Variants in TMEM127 observed in about 807,000 individuals in gnomAD.
The protein encoded by TMEM127 is transmembrane protein 127.
A neutral mutation model predicts 20.1 loss-of-function variants in TMEM127; 21 were observed. That is an observed-to-expected ratio of 1.04 (90% CI 0.74 to 1.50). TMEM127 has a LOEUF of 1.50. TMEM127 is among the 40% of genes most tolerant of loss of function. The pLI is 0.00. For synonymous variants in TMEM127, 150 were observed against 144.7 expected (o/e 1.04, Z -0.26); for missense variants, 303 against 317.4 (o/e 0.95, Z 0.34).
At position 96,265,267 on chromosome 2, in the gene TMEM127, G is replaced by C; in HGVS notation, c.115C>G (p.Leu39Val). 2 of 1,583,256 alleles carry C rather than the reference G, an allele frequency of 1.3e-6. No individual in the cohort carries two copies. The highest frequency in any genetic ancestry group is 2.3e-5 in the East Asian group (1 of 43,624). ...RSLASALPGA[L>V]SITALCTALA... ...GCAGTGCACAGCGCCGTGATAGACA[G>C]GGCGCCAGGCAGGGCCGAGGCCAGG... Residue 39 changes from leucine to valine, a missense_variant, in exon 2 of 4, where the codon CTG becomes GTG. Transcript: ENST00000258439.
In TMEM127 at chr2:96,248,610, A is replaced by G; in HGVS notation, c.*5198T>C. 9.0e-6 allele frequency: 2 copies of G among 222,194 alleles called. No individual in the cohort carries two copies. The highest frequency in any genetic ancestry group is 1.3e-4 in the East Asian group (2 of 15,262). 13.8% of individuals were successfully genotyped at this position (222,194 alleles called of 1,614,324 possible). ...TCCACCAATAGTGGTGGCACTAGAC[A>G]TATACTGAGAGACCCCCAAGAGGGA... On this transcript the variant is annotated 3_prime_UTR_variant, in exon 4 of 4. Coordinates refer to ENST00000258439, the MANE Select transcript of TMEM127 (RefSeq NM_017849.4).
Position 96,249,610 on chromosome 2 carries a change from A to C in TMEM127, c.*4198T>G, listed in dbSNP as rs938401523. On this transcript the variant is annotated 3_prime_UTR_variant, in exon 4 of 4. Coordinates refer to ENST00000258439, the MANE Select transcript of TMEM127 (RefSeq NM_017849.4). ...GTCTCTACCCACCCCCACAAAAAAAACATTTTCTCTTCTCCACAAACCTCC... is the reference window on the plus strand; with the variant it reads ...GTCTCTACCCACCCCCACAAAAAAACCATTTTCTCTTCTCCACAAACCTCC... 4.3e-6 allele frequency: 1 copy of C among 232,010 alleles called. No individual in the cohort carries two copies. The highest frequency in any genetic ancestry group is 8.5e-6 in the Non-Finnish European group (1 of 117,298). 14.4% of individuals were successfully genotyped at this position (232,010 alleles called of 1,614,324 possible).
rs773650718 is a variant in TMEM127, at chr2:96,254,915, G to A, written c.327C>T (p.Ser109=). Residue 109 remains serine (S), a synonymous_variant, in exon 3 of 4, where the codon TCC becomes TCT. Transcript: ENST00000258439. ...GCCCAAAGACATCCAGAAGGAAAGCGGAGAGACTACACAGGATGCCCAGGA... is the reference window on the plus strand; with the variant it reads ...GCCCAAAGACATCCAGAAGGAAAGCAGAGAGACTACACAGGATGCCCAGGA... ...FCFLGILCSL[S]AFLLDVFGPK... 10 of 1,614,098 alleles carry A rather than the reference G, an allele frequency of 6.2e-6. No homozygotes were observed. Among genetic ancestry groups the A allele is most frequent in the East Asian group, 4.5e-5 (2 of 44,876 alleles).
rs886056452 is a variant in TMEM127 at position 96,265,957 on chromosome 2, A to G, written c.-220T>C. ...GGGGGCCGAGCGTTCCCAGGCCCCAATCCCGCAACGCCCGGACAGACCCGG... is the reference window on the plus strand; with the variant it reads ...GGGGGCCGAGCGTTCCCAGGCCCCAGTCCCGCAACGCCCGGACAGACCCGG... On this transcript the variant is annotated 5_prime_UTR_variant, in exon 1 of 4. Coordinates refer to ENST00000258439, the MANE Select transcript of TMEM127 (RefSeq NM_017849.4). 11 of 176,436 alleles carry G rather than the reference A, an allele frequency of 6.2e-5. No homozygotes were observed. Among genetic ancestry groups the G allele is most frequent in the East Asian group, 2.8e-4 (2 of 7,088 alleles). 10.9% of individuals were successfully genotyped at this position (176,436 alleles called of 1,614,324 possible).
Position 96,255,024 on chromosome 2 carries a change from G to A in TMEM127, c.245-27C>T, listed in dbSNP as rs560553527. 76 of 1,613,728 alleles carry A rather than the reference G, an allele frequency of 4.7e-5. No homozygotes were observed. The Middle Eastern group carries it at 1.0e-3, about 21-fold the overall frequency. Reference sequence around the variant, plus strand: ...TGTAGAGGGAGAACCAAATTTTCACGGCCCCAAGTAACACTTGGTGCAGGA... The same window carrying A: ...TGTAGAGGGAGAACCAAATTTTCACAGCCCCAAGTAACACTTGGTGCAGGA... On this transcript the variant is annotated intron_variant, in intron 2 of 3. Transcript: ENST00000258439.
In TMEM127 at chr2:96,249,464, A is replaced by T. The variant is rs1684043563; in HGVS notation, c.*4344T>A. 4.5e-6 allele frequency: 1 copy of T among 224,618 alleles called. No individual in the cohort carries two copies. Among genetic ancestry groups the T allele is most frequent in the Non-Finnish European group, 8.9e-6 (1 of 112,718 alleles). The allele number at this position is 224,618 out of a possible 1,614,324, so 13.9% of individuals were successfully genotyped here. On this transcript the variant is annotated 3_prime_UTR_variant, in exon 4 of 4. Coordinates refer to ENST00000258439, the MANE Select transcript of TMEM127 (RefSeq NM_017849.4). ...CTTCGTTTCAGGTGGGCTCATTCAAAACGACATTTTCAGGCTTGGTGCAGT... is the reference window on the plus strand; with the variant it reads ...CTTCGTTTCAGGTGGGCTCATTCAATACGACATTTTCAGGCTTGGTGCAGT...
At chr2:96,256,480 A>G (rs1215173394) in intron 2 of TMEM127, among the ~76,000 whole-genome samples, 3 of 151,150 alleles carry the variant, frequency 2.0e-5, no homozygotes, top group South Asian at 2.1e-4. Flanking sequence ...CTGAGGCAGG[A>G]GAATTGCTTG....
rs1056462463 is a variant in TMEM127, at chr2:96,251,021, C to T, written c.*2787G>A. The T allele has an allele frequency of 3.6e-5, 8 of 223,310 alleles. No individual in the cohort carries two copies. The highest frequency in any genetic ancestry group is 1.4e-3 in the Middle Eastern group (1 of 732). The allele number at this position is 223,310 out of a possible 1,614,324, so 13.8% of individuals were successfully genotyped here. On this transcript the variant is annotated 3_prime_UTR_variant, in exon 4 of 4. Coordinates refer to ENST00000258439, the MANE Select transcript of TMEM127 (RefSeq NM_017849.4). The stretch of plus-strand genomic sequence containing the variant: ...CAGGATGGCTAGAGTTTAGGAGCCA[C>T]GTTCTCCTCTATAGCTCACCAGAGG...
chr2:96,260,806 T>C (rs1033932100), intron 2 of TMEM127, among the ~76,000 whole-genome samples: 2 of 152,168 alleles, frequency 1.3e-5, no homozygotes, highest in Non-Finnish European at 2.9e-5. Flanking sequence ...AATCCCTCTT[T>C]ATGCATCTGT....
chr2:96,260,165 G>T (rs1162308213), intron 2 of TMEM127, among the ~76,000 whole-genome samples: 2 of 152,242 alleles, frequency 1.3e-5, no homozygotes, highest in African/African-American at 4.8e-5. Context: ...CCAGGGGCCT[G>T]CCCCATGTAA....
chr2:96,265,122 C>G lies in TMEM127; in HGVS notation c.244+16G>C, dbSNP rs979743433. ...CCCCCACCGAGGCTTTAAGGGCCAG[C>G]GCGCAGCACCCTCACCTTTCAGCAG... is the stretch of plus-strand genomic sequence containing the variant. On this transcript the variant is annotated intron_variant, in intron 2 of 3. Coordinates refer to ENST00000258439, the MANE Select transcript of TMEM127 (RefSeq NM_017849.4). 2 of 1,611,952 alleles carry G rather than the reference C, an allele frequency of 1.2e-6. No individual in the cohort carries two copies. Among genetic ancestry groups the G allele is most frequent in the Non-Finnish European group, 8.5e-7 (1 of 1,179,742 alleles).
chr2:96,251,522 CA>C lies in TMEM127; in HGVS notation c.*2285del. 8.8e-6 allele frequency: 2 copies of C among 227,124 alleles called. No individual in the cohort carries two copies. Among genetic ancestry groups the C allele is most frequent in the Non-Finnish European group, 1.7e-5 (2 of 114,340 alleles). 14.1% of individuals were successfully genotyped at this position (227,124 alleles called of 1,614,324 possible). ...GGGTGACAGAGCGAGACTCTTGTCT[CA>C]AAAACAAGAAAAAGAAAAAAAAATA... On this transcript the variant is annotated 3_prime_UTR_variant, in exon 4 of 4. Transcript: ENST00000258439.
intron 2 of TMEM127, among the ~76,000 whole-genome samples, chr2:96,257,447 C>T (rs1215359499): frequency 1.3e-5 from 2 of 151,596 alleles, no homozygotes; most frequent in Non-Finnish European, 2.9e-5. Context: ...GGCGACAGAG[C>T]GAGACTCCAT....
intron 2 of TMEM127, among the ~76,000 whole-genome samples, chr2:96,257,498 T>C (rs1046235260): frequency 2.0e-5 from 3 of 152,020 alleles, no homozygotes. Flanking sequence ...AAAAACTAGA[T>C]GATACTGTCT....
intron 2 of TMEM127, among the ~76,000 whole-genome samples, chr2:96,263,989 C>T (rs773248778): frequency 2.6e-5 from 4 of 152,094 alleles, no homozygotes; most frequent in Non-Finnish European, 5.9e-5. Flanking sequence ...ATGAGCCAAC[C>T]CAGCAAAGAG....
chr2:96,251,182 T>G lies in TMEM127; in HGVS notation c.*2626A>C, dbSNP rs1022543746. ...GGAAGCTCTGGGGGTGAAAATGCCATGCACGGAGCTGGCCCATGCCAAGTC... is the reference window on the plus strand; with the variant it reads ...GGAAGCTCTGGGGGTGAAAATGCCAGGCACGGAGCTGGCCCATGCCAAGTC... On this transcript the variant is annotated 3_prime_UTR_variant, in exon 4 of 4. Transcript: ENST00000258439. 4.6e-6 allele frequency: 1 copy of G among 216,184 alleles called. No homozygotes were observed. The highest frequency in any genetic ancestry group is 2.3e-5 in the African/African-American group (1 of 44,370). 13.4% of individuals were successfully genotyped at this position (216,184 alleles called of 1,614,324 possible).
intron 2 of TMEM127, 46 bp from the exon 3 acceptor site, chr2:96,255,043 T>G: frequency 6.2e-7 from 1 of 1,610,658 alleles, no homozygotes; most frequent in Non-Finnish European, 8.5e-7. Flanking sequence ...TAACACTTGG[T>G]GCAGGAAGTC....
rs929470725 is a variant in TMEM127, at chr2:96,253,317, C to T, written c.*491G>A. Reference sequence around the variant, plus strand: ...GCACAGAACTCCCCGGAGCAGGTGGCCTGGGGGCGGGTCACTCCGAGAAGG... The same window carrying T: ...GCACAGAACTCCCCGGAGCAGGTGGTCTGGGGGCGGGTCACTCCGAGAAGG... On this transcript the variant is annotated 3_prime_UTR_variant, in exon 4 of 4. Coordinates refer to ENST00000258439, the MANE Select transcript of TMEM127 (RefSeq NM_017849.4). This position sits in a 1 kb window ranked among gnomAD's most constrained non-coding sequence, Gnocchi z 4.3. 2 of 242,008 alleles carry T rather than the reference C, an allele frequency of 8.3e-6. No individual in the cohort carries two copies. Among genetic ancestry groups the T allele is most frequent in the Admixed American group, 5.1e-5 (1 of 19,532 alleles). 15.0% of individuals were successfully genotyped at this position (242,008 alleles called of 1,614,324 possible).
chr2:96,252,731 C>G lies in TMEM127; in HGVS notation c.*1077G>C. 1 of 233,918 alleles carries G rather than the reference C, an allele frequency of 4.3e-6. No individual in the cohort carries two copies. The highest frequency in any genetic ancestry group is 8.5e-6 in the Non-Finnish European group (1 of 118,226). The allele number at this position is 233,918 out of a possible 1,614,324, so 14.5% of individuals were successfully genotyped here. ...TCCTGCCCTGTTGTGGCCCCTGTTC[C>G]TAAACTGAGGCCAGGTTCCATCTCA... is the stretch of plus-strand genomic sequence containing the variant. On this transcript the variant is annotated 3_prime_UTR_variant, in exon 4 of 4. Coordinates refer to ENST00000258439, the MANE Select transcript of TMEM127 (RefSeq NM_017849.4). This position sits in a 1 kb window ranked among gnomAD's most constrained non-coding sequence, Gnocchi z 4.2.
Sources: allele counts gnomAD v4.1 joint callset (sites outside exome capture counted in the v4.1 genomes callset), GRCh38; gene constraint gnomAD v4.1.1; non-coding constraint Gnocchi (gnomAD v3.1); transcripts MANE v1.5; gene names NCBI Gene and HGNC (gene_info 2026-07-23, HGNC 2026-07-21).